The following NCAM2 variants were observed in gnomAD, a reference collection of about 807,000 sequenced individuals.
NCAM2 encodes the protein N-CAM-2.
A neutral mutation model predicts 98.1 loss-of-function variants in NCAM2; 30 were observed. The observed-to-expected ratio is 0.31, with a 90% CI of 0.23 to 0.41. The LOEUF is 0.41. NCAM2 is among the 10% of genes least tolerant of loss of function. The pLI, the probability that NCAM2 is intolerant of heterozygous loss-of-function variation, is 1.00. For missense variants in NCAM2, 867 were observed against 1,005.8 expected (o/e 0.86, Z 1.87); for synonymous variants, 368 against 342.4 (o/e 1.07, Z -0.83).
chr21:21,351,349 C>G (rs1466793402), intron 8 of NCAM2, among the ~76,000 whole-genome samples: 1 of 151,970 alleles, frequency 6.6e-6, no homozygotes, highest in Non-Finnish European at 1.5e-5. Context: ...ACAGCTTAAA[C>G]TTTTCATAGA....
intron 5 of NCAM2, among the ~76,000 whole-genome samples, chr21:21,295,103 G>C (rs1166755376): frequency 1.3e-5 from 2 of 151,614 alleles, no homozygotes; most frequent in Non-Finnish European, 2.9e-5. Flanking sequence ...GTATACCGAA[G>C]TCCTACCCAA....
At chr21:21,337,715 CAT>C (rs1487377959) in intron 7 of NCAM2, among the ~76,000 whole-genome samples, 3 of 151,930 alleles carry the variant, frequency 2.0e-5, no homozygotes, top group Middle Eastern at 3.4e-3. Flanking sequence ...AATTAGTAGA[CAT>C]AATGCTTTTC....
rs982886950 is a variant in NCAM2, at chr21:21,178,955, C to G, written c.56-101623C>G. Among the ~76,000 whole-genome samples, 8 of 151,926 alleles carry G rather than the reference C, an allele frequency of 5.3e-5. 1 individual carries two copies. The highest frequency in any genetic ancestry group is 1.5e-5 in the Non-Finnish European group (1 of 67,986). The stretch of plus-strand genomic sequence containing the variant: ...AAAGGTGGTGTCTACCTTACAAGTC[C>G]ATGAATTACTGAGGGTAGATTCAGA... On this transcript the variant is annotated intron_variant, in intron 1 of 17. Transcript: ENST00000400546.
At chr21:21,010,479 T>A (rs2064189307) in intron 1 of NCAM2, among the ~76,000 whole-genome samples, 1 of 152,128 alleles carries the variant, frequency 6.6e-6, no homozygotes, top group Non-Finnish European at 1.5e-5. Flanking sequence ...TGCTTTCAAG[T>A]CCCTGTATCA....
chr21:21,267,638 T>C (rs143080231), intron 1 of NCAM2, among the ~76,000 whole-genome samples: 128 of 152,312 alleles, frequency 8.4e-4, no homozygotes, highest in African/African-American at 3.0e-3. Flanking sequence ...TGTACAAATA[T>C]GGAGCAATTT....
chr21:21,315,482 G>A (rs1205406353), intron 5 of NCAM2, among the ~76,000 whole-genome samples: 1 of 152,146 alleles, frequency 6.6e-6, no homozygotes, highest in Non-Finnish European at 1.5e-5. Context: ...CAACTGATGA[G>A]ATTAATGAGG....
chr21:21,433,957 T>C (rs757206471), intron 12 of NCAM2, among the ~76,000 whole-genome samples: 4 of 152,122 alleles, frequency 2.6e-5, no homozygotes, highest in Non-Finnish European at 5.9e-5. Context: ...GGCACAAAAG[T>C]GCTGCTGCAC....
chr21:21,443,131 A>T (rs952934533), intron 12 of NCAM2, among the ~76,000 whole-genome samples: 1 of 152,194 alleles, frequency 6.6e-6, no homozygotes, highest in Non-Finnish European at 1.5e-5. Flanking sequence ...TTGCAGGGAC[A>T]TGGATGAAGC....
intron 9 of NCAM2, among the ~76,000 whole-genome samples, chr21:21,385,000 T>C (rs7277499): frequency 0.073 from 11,084 of 151,952 alleles, 492 homozygotes; most frequent in East Asian, 0.21. Flanking sequence ...TGTATGATTG[T>C]ATTATGAAAG....
In NCAM2 at chr21:21,039,410, G is replaced by T. The variant is rs577376775; in HGVS notation, c.55+40792G>T. Among the ~76,000 whole-genome samples, 6 of 152,142 alleles carry T rather than the reference G, an allele frequency of 3.9e-5. No individual in the cohort carries two copies. In the South Asian group the frequency reaches 1.2e-3, roughly 32 times the overall value. On this transcript the variant is annotated intron_variant, in intron 1 of 17. Transcript: ENST00000400546. ...TTGGGTGACTAATATTAACATCAAC[G>T]CATTATATATTTCAAAATAGCTAGA... is the stretch of plus-strand genomic sequence containing the variant.
chr21:21,484,951 GC>G (rs1986218115), intron 15 of NCAM2, among the ~76,000 whole-genome samples: 1 of 151,928 alleles, frequency 6.6e-6, no homozygotes, highest in Non-Finnish European at 1.5e-5. Context: ...AATATCCATG[GC>G]CATACTTTTT....
chr21:21,303,486 T>G (rs1300682774), intron 5 of NCAM2, among the ~76,000 whole-genome samples: 1 of 152,088 alleles, frequency 6.6e-6, no homozygotes, highest in Non-Finnish European at 1.5e-5. Context: ...AGTATTCAAT[T>G]TTAAGAAGAT....
chr21:21,097,327 C>T, intron 1 of NCAM2, among the ~76,000 whole-genome samples: 1 of 151,492 alleles, frequency 6.6e-6, no homozygotes. Context: ...GTCAATATAC[C>T]ATAGTAACTG....
At chr21:21,360,605 T>G (rs753678582) in intron 8 of NCAM2, among the ~76,000 whole-genome samples, 20 of 152,024 alleles carry the variant, frequency 1.3e-4, no homozygotes, top group Non-Finnish European at 2.4e-4. Context: ...AGCGCTTACC[T>G]TGTTCACTCC....
intron 1 of NCAM2, among the ~76,000 whole-genome samples, chr21:21,169,138 A>G (rs1166082257): frequency 6.6e-6 from 1 of 152,182 alleles, no homozygotes; most frequent in Non-Finnish European, 1.5e-5. Flanking sequence ...GACCCACATC[A>G]TTATAGTCAG....
At chr21:21,468,827 A>G (rs772664712) in intron 14 of NCAM2, 44 bp downstream of exon 14, 1 of 1,550,990 alleles carries the variant, frequency 6.4e-7, no homozygotes, top group Non-Finnish European at 8.8e-7. Flanking sequence ...GTTTTTTCAA[A>G]TTAAATTGAG....
In NCAM2 at chr21:21,459,527, T is replaced by C. The variant is rs561544329; in HGVS notation, c.1655-7079T>C. Among the ~76,000 whole-genome samples, 18 of 148,302 alleles carry C rather than the reference T, an allele frequency of 1.2e-4. No homozygotes were observed. In the East Asian group the frequency reaches 3.5e-3, roughly 29 times the overall value. On this transcript the variant is annotated intron_variant, in intron 12 of 17. Transcript: ENST00000400546. ...GTATAGAATGTTTATATATATTATA[T>C]ATAATATTGTTTATATATTAGAATA...
At chr21:21,047,353 G>C (rs535861534) in intron 1 of NCAM2, among the ~76,000 whole-genome samples, 3 of 152,146 alleles carry the variant, frequency 2.0e-5, no homozygotes, top group Non-Finnish European at 4.4e-5. Context: ...TTGCTATTTA[G>C]ATTCTAAGTA....
intron 10 of NCAM2, among the ~76,000 whole-genome samples, chr21:21,417,934 T>C (rs965661290): frequency 1.3e-5 from 2 of 152,038 alleles, no homozygotes; most frequent in Admixed American, 1.3e-4. Flanking sequence ...ATATGTTCAA[T>C]AAACTCAAAA....
Sources: allele counts gnomAD v4.1 joint callset (sites outside exome capture counted in the v4.1 genomes callset), GRCh38; gene constraint gnomAD v4.1.1; transcripts MANE v1.5; gene names NCBI Gene and HGNC (gene_info 2026-07-23, HGNC 2026-07-21).